The following XKR9 variants were observed in gnomAD, a reference collection of about 807,000 sequenced individuals.
The protein encoded by XKR9 is XK related 9.
In XKR9, 32 loss-of-function variants were observed where a neutral mutation model predicts 32.0. That is an observed-to-expected ratio of 1.00 (90% CI 0.76 to 1.34). The LOEUF (loss-of-function observed/expected upper bound fraction) is 1.34, where lower values mean the gene tolerates loss of function less well. Ranked by LOEUF, XKR9 falls within the 40% of genes most tolerant of loss-of-function variation. XKR9 has a pLI of 0.00. For synonymous variants in XKR9, 168 were observed against 143.4 expected, an observed-to-expected ratio of 1.17 and a Z score of -1.22; for missense variants, 546 against 429.7, an observed-to-expected ratio of 1.27 and a Z score of -2.39.
chr8:70,801,837 G>A, the XKR9 span, among the ~76,000 whole-genome samples: 1 of 151,980 alleles, frequency 6.6e-6, no homozygotes, highest in African/African-American at 2.4e-5. Context: ...TATGAATCTG[G>A]GTGCTCTTGT....
intron 2 of XKR9, among the ~76,000 whole-genome samples, chr8:70,757,389 C>G (rs911958184): frequency 4.0e-5 from 6 of 151,878 alleles, no homozygotes; most frequent in African/African-American, 1.5e-4. Flanking sequence ...TCTTTCAGTT[C>G]AAACATCCTG....
chr8:70,961,135 A>G, the XKR9 span, among the ~76,000 whole-genome samples: 10 of 152,380 alleles, frequency 6.6e-5, no homozygotes, highest in East Asian at 1.7e-3. Flanking sequence ...GCATCACTGC[A>G]TTCCAGGCTG....
At chr8:70,810,358 G>A in the XKR9 span, among the ~76,000 whole-genome samples, 36 of 151,468 alleles carry the variant, frequency 2.4e-4, no homozygotes, top group East Asian at 6.2e-3. Flanking sequence ...AAAGACCATC[G>A]AGGCTAGGAA....
chr8:70,775,761 T>G (rs1380723856), intron 2 of XKR9, among the ~76,000 whole-genome samples: 4 of 151,910 alleles, frequency 2.6e-5, no homozygotes, highest in Admixed American at 6.6e-5. Flanking sequence ...TTTTTTTTTT[T>G]GAGACAAGGT....
At chr8:70,697,721 C>T (rs1805337236) in intron 3 of XKR9, among the ~76,000 whole-genome samples, 1 of 151,860 alleles carries the variant, frequency 6.6e-6, no homozygotes, top group Non-Finnish European at 1.5e-5. Flanking sequence ...GGAGGATTCC[C>T]TCTTTTTCTA....
chr8:70,897,357 T>C, the XKR9 span, among the ~76,000 whole-genome samples: 1 of 152,350 alleles, frequency 6.6e-6, no homozygotes, highest in Middle Eastern at 3.4e-3. Flanking sequence ...GGAGTGCAGA[T>C]ATCTCTTCAG....
the XKR9 span, among the ~76,000 whole-genome samples, chr8:70,796,148 T>C: frequency 1.3e-5 from 2 of 152,056 alleles, no homozygotes; most frequent in Non-Finnish European, 2.9e-5. Context: ...GGTGTACAGA[T>C]TATTTTACCA....
the XKR9 span, among the ~76,000 whole-genome samples, chr8:71,015,809 T>C: frequency 9.2e-5 from 14 of 152,290 alleles, no homozygotes; most frequent in South Asian, 2.9e-3. Flanking sequence ...GGCTATTTTA[T>C]CTTACAAATG....
chr8:71,033,151 A>G, the XKR9 span, among the ~76,000 whole-genome samples: 1 of 152,162 alleles, frequency 6.6e-6, no homozygotes, highest in Non-Finnish European at 1.5e-5. Flanking sequence ...AATTTCTCAG[A>G]ATCAAAATGA....
chr8:70,973,663 C>A, the XKR9 span, among the ~76,000 whole-genome samples: 64 of 152,194 alleles, frequency 4.2e-4, no homozygotes, highest in African/African-American at 1.5e-3. Context: ...GGTTGTACCA[C>A]TATTATTACT....
chr8:70,715,099 TA>T (rs1806046430), intron 4 of XKR9, among the ~76,000 whole-genome samples: 1 of 152,148 alleles, frequency 6.6e-6, no homozygotes, highest in Admixed American at 6.6e-5. Flanking sequence ...ACATTGGGAA[TA>T]AAAGGGCTGT....
intron 2 of XKR9, among the ~76,000 whole-genome samples, chr8:70,788,346 G>T (rs190119342): frequency 2.2e-4 from 33 of 152,224 alleles, no homozygotes; most frequent in Middle Eastern, 6.8e-3. Context: ...TCTGTTTTCT[G>T]TTGATGTTTT....
At chr8:71,000,327 C>T in the XKR9 span, among the ~76,000 whole-genome samples, 1 of 152,072 alleles carries the variant, frequency 6.6e-6, no homozygotes, top group African/African-American at 2.4e-5. Flanking sequence ...TTCAAAAACA[C>T]CCAGGGGATT....
chr8:70,974,887 C>T, the XKR9 span, among the ~76,000 whole-genome samples: 1 of 152,228 alleles, frequency 6.6e-6, no homozygotes, highest in African/African-American at 2.4e-5. Context: ...TCTCCACATC[C>T]TCTCCAGTAT....
chr8:70,791,225 G>A (rs762117975), downstream of XKR9, among the ~76,000 whole-genome samples: 7 of 151,496 alleles, frequency 4.6e-5, no homozygotes, highest in Admixed American at 2.0e-4. Flanking sequence ...TAATCCCAGC[G>A]CTTTGGAAAG....
At chr8:70,783,525 A>C (rs372802834) in intron 2 of XKR9, among the ~76,000 whole-genome samples, 2 of 152,060 alleles carry the variant, frequency 1.3e-5, no homozygotes, top group Non-Finnish European at 2.9e-5. Context: ...TTTAGGCCCC[A>C]TGCCCATTTT....
At chr8:70,685,351 G>A (rs1229915422) in intron 3 of XKR9, among the ~76,000 whole-genome samples, 4 of 97,096 alleles carry the variant, frequency 4.1e-5, no homozygotes, top group Admixed American at 3.8e-4. Context: ...GTTGTGGGGT[G>A]GGGGGAGGGG....
chr8:70,825,823 G>A, the XKR9 span, among the ~76,000 whole-genome samples: 2 of 152,044 alleles, frequency 1.3e-5, no homozygotes, highest in African/African-American at 2.4e-5. Flanking sequence ...CTATGGACAC[G>A]GACTATTAAC....
chr8:71,025,606 A>G, the XKR9 span, among the ~76,000 whole-genome samples: 2 of 152,226 alleles, frequency 1.3e-5, no homozygotes, highest in Admixed American at 6.5e-5. Context: ...CCTTCTTCCC[A>G]TCAGTGTCAC....
Sources: allele counts gnomAD v4.1 joint callset (sites outside exome capture counted in the v4.1 genomes callset), GRCh38; gene constraint gnomAD v4.1.1; transcripts MANE v1.5; gene names NCBI Gene and HGNC (gene_info 2026-07-23, HGNC 2026-07-21).